TENM2: variants seen among roughly 807,000 people sequenced by gnomAD.
The protein encoded by TENM2 is teneurin transmembrane protein 2, also known as teneurin-2.
Under a neutral mutation model 245.2 loss-of-function variants are expected in TENM2, and 52 were observed. The observed-to-expected ratio is 0.21, with a 90% CI of 0.17 to 0.27. The LOEUF (loss-of-function observed/expected upper bound fraction) is 0.27, where lower values mean the gene tolerates loss of function less well. Ranked by LOEUF, TENM2 falls within the 10% of genes least tolerant of loss-of-function variation. The pLI is 1.00. For missense variants in TENM2, 3,046 were observed against 3,666.8 expected (o/e 0.83, Z 4.37); for synonymous variants, 1,363 against 1,438.9 (o/e 0.95, Z 1.19).
intron 25 of TENM2, among the ~76,000 whole-genome samples, chr5:168,239,303 T>C (rs1489019510): frequency 6.6e-6 from 1 of 152,204 alleles, no homozygotes; most frequent in Non-Finnish European, 1.5e-5. Context: ...ATTAGAAGGA[T>C]TGGGCATTTT....
intron 2 of TENM2, among the ~76,000 whole-genome samples, chr5:167,469,198 G>A (rs907355132): frequency 6.6e-6 from 1 of 151,974 alleles, no homozygotes; most frequent in Non-Finnish European, 1.5e-5. Context: ...ATCAAACTAG[G>A]GATTAGTCCT....
intron 3 of TENM2, among the ~76,000 whole-genome samples, chr5:167,906,282 A>G (rs1776080174): frequency 1.3e-5 from 2 of 152,230 alleles, no homozygotes; most frequent in Non-Finnish European, 2.9e-5. Context: ...TAGAAAGCCA[A>G]TGCTCTAGGA....
the TENM2 span, among the ~76,000 whole-genome samples, chr5:167,163,603 C>T: frequency 1.3e-5 from 2 of 152,146 alleles, no homozygotes; most frequent in Non-Finnish European, 2.9e-5. Flanking sequence ...TCGGTTTTAA[C>T]ACTTTCACCA....
At chr5:167,995,796 T>G (rs1442254115) in intron 5 of TENM2, among the ~76,000 whole-genome samples, 1 of 152,240 alleles carries the variant, frequency 6.6e-6, no homozygotes, top group East Asian at 1.9e-4. Flanking sequence ...CTTACAGAGC[T>G]GCAGGGGCAT....
intron 1 of TENM2, among the ~76,000 whole-genome samples, chr5:167,342,913 G>A (rs1445945465): frequency 6.6e-6 from 1 of 151,480 alleles, no homozygotes; most frequent in African/African-American, 2.4e-5. Context: ...TTTAAGAGTA[G>A]GGAGTTATGT....
At chr5:168,047,123 G>A (rs1214566348) in intron 5 of TENM2, among the ~76,000 whole-genome samples, 1 of 152,132 alleles carries the variant, frequency 6.6e-6, no homozygotes, top group African/African-American at 2.4e-5. Flanking sequence ...GATTCGAAAG[G>A]GCCATTTTCC....
intron 12 of TENM2, chr5:168,129,128 C>T (rs1239269687): frequency 1.3e-5 from 2 of 152,284 alleles, no homozygotes; most frequent in East Asian, 1.9e-4. Flanking sequence ...GGAGAAAAAA[C>T]AGTAGATGTG....
intron 2 of TENM2, among the ~76,000 whole-genome samples, chr5:167,562,604 G>T (rs1344833569): frequency 1.3e-5 from 2 of 152,172 alleles, no homozygotes; most frequent in Non-Finnish European, 2.9e-5. Flanking sequence ...CTCCTGAGAA[G>T]AGCTCAGAAT....
intron 4 of TENM2, among the ~76,000 whole-genome samples, chr5:167,959,830 G>A (rs1010333579): frequency 6.6e-6 from 1 of 152,172 alleles, no homozygotes; most frequent in Non-Finnish European, 1.5e-5. Flanking sequence ...TTCCTCATCT[G>A]TGTGGATTTA....
intron 2 of TENM2, among the ~76,000 whole-genome samples, chr5:167,692,232 G>A (rs1757479335): frequency 6.6e-6 from 1 of 152,142 alleles, no homozygotes; most frequent in Non-Finnish European, 1.5e-5. Context: ...AACAGTGCTG[G>A]CAAATAGTAT....
chr5:168,013,402 A>G (rs1821254), intron 5 of TENM2, among the ~76,000 whole-genome samples: 61,906 of 151,900 alleles, frequency 0.41, 13,859 homozygotes, highest in African/African-American at 0.59. Context: ...TCAGGAGTTC[A>G]AGACCAGCCT....
chr5:167,965,928 C>T (rs1322560728), intron 4 of TENM2, among the ~76,000 whole-genome samples: 1 of 152,186 alleles, frequency 6.6e-6, no homozygotes, highest in Non-Finnish European at 1.5e-5. Flanking sequence ...CTGGAAAAAA[C>T]TCTGTCTAGC....
At chr5:167,698,411 G>T (rs1447081905) in intron 2 of TENM2, among the ~76,000 whole-genome samples, 1 of 152,096 alleles carries the variant, frequency 6.6e-6, no homozygotes. Context: ...TCTCCATCAG[G>T]CTCCACACTG....
chr5:167,488,637 A>G (rs1768234155), intron 2 of TENM2, among the ~76,000 whole-genome samples: 1 of 151,970 alleles, frequency 6.6e-6, no homozygotes, highest in Non-Finnish European at 1.5e-5. Context: ...ACTTCACTCT[A>G]TGAAATCCTG....
At chr5:168,070,297 T>C (rs1790872671) in intron 7 of TENM2, among the ~76,000 whole-genome samples, 1 of 152,186 alleles carries the variant, frequency 6.6e-6, no homozygotes, top group Non-Finnish European at 1.5e-5. Flanking sequence ...TGATATAAAA[T>C]AAACTTTTTG....
the TENM2 span, among the ~76,000 whole-genome samples, chr5:167,101,199 T>C: frequency 6.6e-6 from 1 of 152,212 alleles, no homozygotes; most frequent in African/African-American, 2.4e-5. Flanking sequence ...TCTACCTCAA[T>C]TCCAAACGTT....
chr5:168,111,287 G>C (rs1427696851), intron 9 of TENM2, among the ~76,000 whole-genome samples: 2 of 152,116 alleles, frequency 1.3e-5, no homozygotes, highest in African/African-American at 2.4e-5. Context: ...AGTTGGTGCA[G>C]CTGAACTTTG....
intron 2 of TENM2, among the ~76,000 whole-genome samples, chr5:167,709,824 T>C (rs279403): frequency 0.48 from 73,202 of 151,406 alleles, 21,019 homozygotes; most frequent in East Asian, 0.79. Flanking sequence ...AGTGAGAGAG[T>C]GTGGGAGGAA....
chr5:168,162,627 G>C (rs537215314), exon 13 of TENM2: 2 of 1,613,920 alleles, frequency 1.2e-6, no homozygotes, highest in Admixed American at 3.3e-5. Flanking sequence ...GCCCTGACTT[G>C]TGCAACGGTA....
Sources: allele counts gnomAD v4.1 joint callset (sites outside exome capture counted in the v4.1 genomes callset), GRCh38; gene constraint gnomAD v4.1.1; transcripts MANE v1.5; gene names NCBI Gene and HGNC (gene_info 2026-07-23, HGNC 2026-07-21).